The following CADPS2 variants were observed in gnomAD, a reference collection of about 807,000 sequenced individuals.
The protein encoded by CADPS2 is calcium-dependent secretion activator 2.
Under a neutral mutation model 172.5 loss-of-function variants are expected in CADPS2, and 93 were observed. The observed-to-expected ratio is 0.54, with a 90% CI of 0.46 to 0.64. The LOEUF (loss-of-function observed/expected upper bound fraction) is 0.64. CADPS2 is among the 30% of genes least tolerant of loss of function. The pLI is 0.00. For synonymous variants in CADPS2, 546 were observed against 555.2 expected (o/e 0.98, Z 0.23); for missense variants, 1,420 against 1,565.9 (o/e 0.91, Z 1.57).
intron 7 of CADPS2, among the ~76,000 whole-genome samples, chr7:122,579,922 T>C (rs569572118): frequency 8.6e-5 from 13 of 151,320 alleles, no homozygotes; most frequent in African/African-American, 1.2e-4. Flanking sequence ...TCCCTAGAAA[T>C]AGAAAAATTC....
intron 1 of CADPS2, among the ~76,000 whole-genome samples, chr7:122,854,942 G>C (rs755241220): frequency 2.0e-5 from 3 of 152,136 alleles, no homozygotes; most frequent in Non-Finnish European, 4.4e-5. Flanking sequence ...TAAAAAATTA[G>C]ATAATGTTTA....
At chr7:122,792,829 A>G (rs1164093275) in intron 1 of CADPS2, among the ~76,000 whole-genome samples, 2 of 152,224 alleles carry the variant, frequency 1.3e-5, no homozygotes, top group African/African-American at 4.8e-5. Context: ...TGGTCTCTCC[A>G]GACTAACTGC....
chr7:122,516,007 G>T (rs2060346880), intron 8 of CADPS2, among the ~76,000 whole-genome samples: 1 of 151,936 alleles, frequency 6.6e-6, no homozygotes, highest in Admixed American at 6.6e-5. Context: ...TAACAAAATT[G>T]GATTAAAATA....
intron 2 of CADPS2, among the ~76,000 whole-genome samples, chr7:122,723,011 C>G (rs1022789225): frequency 6.6e-6 from 1 of 151,992 alleles, no homozygotes; most frequent in Non-Finnish European, 1.5e-5. Flanking sequence ...CTTCCTTACA[C>G]CTTATACAAA....
chr7:122,755,062 T>C (rs773625026), intron 1 of CADPS2, among the ~76,000 whole-genome samples: 1 of 152,198 alleles, frequency 6.6e-6, no homozygotes, highest in Non-Finnish European at 1.5e-5. Context: ...GCTTCATTTT[T>C]GTTTTTAAAT....
intron 2 of CADPS2, among the ~76,000 whole-genome samples, chr7:122,691,722 T>C (rs952201831): frequency 2.0e-5 from 3 of 152,164 alleles, no homozygotes; most frequent in Admixed American, 6.5e-5. Context: ...TTGAGAGGAA[T>C]GCATTGGTCA....
At position 122,360,677 on chromosome 7, in the gene CADPS2, C is replaced by T. The variant is rs1051787734; in HGVS notation, c.3504+111G>A. On this transcript the variant is annotated intron_variant, in intron 27 of 29. Transcript: ENST00000449022. ...GTGCTTGCTTAAGGAAAATAAACTA[C>T]TCCCTAAGGGAATGGCACTGGTTTA... 6.1e-5 allele frequency: 55 copies of T among 907,456 alleles called. 1 individual carries two copies. The highest frequency in any genetic ancestry group is 3.7e-4 in the Admixed American group (13 of 35,086). The allele number at this position is 907,456 out of a possible 1,614,324, so 56.2% of individuals were successfully genotyped here.
chr7:122,859,227 CT>C (rs1470733531), intron 1 of CADPS2, among the ~76,000 whole-genome samples: 1 of 152,140 alleles, frequency 6.6e-6, no homozygotes, highest in Non-Finnish European at 1.5e-5. Context: ...TCCCAAAAGA[CT>C]TTCTTAAAAG....
chr7:122,791,520 A>C (rs1237249114), intron 1 of CADPS2, among the ~76,000 whole-genome samples: 2 of 152,206 alleles, frequency 1.3e-5, no homozygotes, highest in African/African-American at 4.8e-5. Context: ...ATAGCTGCCC[A>C]TTAACAGTAG....
chr7:122,351,072 A>C (rs2038484943), intron 27 of CADPS2, among the ~76,000 whole-genome samples: 1 of 151,572 alleles, frequency 6.6e-6, no homozygotes, highest in Non-Finnish European at 1.5e-5. Context: ...AAAAAATCTC[A>C]TTGTTATTCC....
chr7:122,423,946 C>T (rs1039022412), intron 17 of CADPS2, among the ~76,000 whole-genome samples: 3 of 152,182 alleles, frequency 2.0e-5, no homozygotes, highest in African/African-American at 7.2e-5. Flanking sequence ...TTATTTCCTC[C>T]TTTCCCTGAA....
chr7:122,425,179 C>CTA (rs2048998649), intron 17 of CADPS2, among the ~76,000 whole-genome samples: 1 of 151,930 alleles, frequency 6.6e-6, no homozygotes, highest in East Asian at 1.9e-4. Flanking sequence ...CGGGGTCTCA[C>CTA]TATGTTGCTC....
rs1249009053 is a variant in CADPS2 at position 122,441,532 on chromosome 7, T to C, written c.2332A>G (p.Thr778Ala). 2 of 1,534,306 alleles carry C rather than the reference T, an allele frequency of 1.3e-6. No homozygotes were observed. The highest frequency in any genetic ancestry group is 2.8e-5 in the African/African-American group (2 of 72,070). Residue 778 changes from threonine (T) to alanine (A), a missense_variant, in exon 16 of 30, where the codon ACA becomes GCA. Physicochemically the swap from Thr to Ala is moderately conservative, Grantham distance 58. Coordinates refer to ENST00000449022, the MANE Select transcript of CADPS2 (RefSeq NM_017954.11). The part of the protein sequence containing the change: ...FGRPEGALKA[T>A]LSLLERVLMK... The stretch of plus-strand genomic sequence containing the variant: ...CATACCCTTTCAAGTAATGAAAGTG[T>C]AGCTTTTAGAGCACCTTCAGGTCGT...
At chr7:122,610,816 C>A (rs370097321) in intron 6 of CADPS2, among the ~76,000 whole-genome samples, 52 of 152,168 alleles carry the variant, frequency 3.4e-4, no homozygotes, top group African/African-American at 9.9e-4. Flanking sequence ...AATCTAAGGA[C>A]CATGAAAGAG....
At position 122,801,269 on chromosome 7, in the gene CADPS2, T is replaced by A. The variant is rs569345717; in HGVS notation, c.340-64201A>T. ...GACAGCACCAAAAGCCAATGTACGT[T>A]ATAAGAAATGCTGCAAAAATCCTAA... On this transcript the variant is annotated intron_variant, in intron 1 of 29. Coordinates refer to ENST00000449022, the MANE Select transcript of CADPS2 (RefSeq NM_017954.11). 6.4e-4 allele frequency among the ~76,000 whole-genome samples: 98 copies of A among 152,262 alleles called. 4 individuals carry two copies. In the South Asian group the frequency reaches 0.019, roughly 30 times the overall value.
intron 9 of CADPS2, among the ~76,000 whole-genome samples, chr7:122,500,467 T>C (rs935817380): frequency 2.6e-5 from 4 of 152,200 alleles, no homozygotes; most frequent in Admixed American, 2.0e-4. Flanking sequence ...CTCTTAAATG[T>C]ATCCTCTTCC....
At chr7:122,631,572 C>T (rs1306357529) in intron 3 of CADPS2, among the ~76,000 whole-genome samples, 1 of 152,050 alleles carries the variant, frequency 6.6e-6, no homozygotes, top group African/African-American at 2.4e-5. Flanking sequence ...AGCCACCGCA[C>T]CTGGTCTGTT....
intron 6 of CADPS2, among the ~76,000 whole-genome samples, chr7:122,581,504 G>A (rs2068810974): frequency 6.6e-6 from 1 of 152,056 alleles, no homozygotes; most frequent in Non-Finnish European, 1.5e-5. Context: ...CAAAAAATTA[G>A]CATGTTGGAC....
At chr7:122,634,901 A>C (rs1333046913) in intron 3 of CADPS2, among the ~76,000 whole-genome samples, 2 of 151,980 alleles carry the variant, frequency 1.3e-5, no homozygotes, top group Non-Finnish European at 2.9e-5. Context: ...TCTTAATTTC[A>C]TTGCTCACCC....
Sources: allele counts gnomAD v4.1 joint callset (sites outside exome capture counted in the v4.1 genomes callset), GRCh38; gene constraint gnomAD v4.1.1; transcripts MANE v1.5; gene names NCBI Gene and HGNC (gene_info 2026-07-23, HGNC 2026-07-21).